OXTR: variants seen among roughly 807,000 people sequenced by gnomAD.
OXTR encodes oxytocin receptor.
In OXTR, 19 loss-of-function variants were observed where a neutral mutation model predicts 23.9. That is an observed-to-expected ratio of 0.80 (90% CI 0.56 to 1.17). The LOEUF (loss-of-function observed/expected upper bound fraction) is 1.17. OXTR is among the 50% of genes most tolerant of loss of function. The pLI is 0.00. For missense variants in OXTR, 500 were observed against 550.7 expected, an observed-to-expected ratio of 0.91 and a Z score of 0.92; for synonymous variants, 278 against 250.5, an observed-to-expected ratio of 1.11 and a Z score of -1.04.
At chr3:8,756,759 A>G (rs1359866168) in intron 3 of OXTR, among the ~76,000 whole-genome samples, 1 of 152,158 alleles carries the variant, frequency 6.6e-6, no homozygotes, top group African/African-American at 2.4e-5. Flanking sequence ...ACCACACCCA[A>G]TGACTGCTTA....
intron 3 of OXTR, among the ~76,000 whole-genome samples, chr3:8,760,919 G>A (rs1306282793): frequency 6.6e-6 from 1 of 152,146 alleles, no homozygotes; most frequent in African/African-American, 2.4e-5. Flanking sequence ...AGCAGAACAA[G>A]GGGTCTAAGC....
In OXTR at chr3:8,752,727, T is replaced by C. The variant is rs1271874061; in HGVS notation, c.*250A>G. ...CCAGGAGAAAAAACAAGCCACTCAC[T>C]GCCCAGGGCAGCAGTGGGTTCAGGG... On this transcript the variant is annotated 3_prime_UTR_variant, in exon 4 of 4. Transcript: ENST00000316793. The C allele has an allele frequency of 4.3e-6, 2 of 466,112 alleles. No individual in the cohort carries two copies. The highest frequency in any genetic ancestry group is 7.6e-6 in the Non-Finnish European group (2 of 264,228). 28.9% of individuals were successfully genotyped at this position (466,112 alleles called of 1,614,324 possible). A position where few individuals can be genotyped will look rare whatever the true frequency, so the allele number is the denominator to read the frequency against.
At position 8,753,170 on chromosome 3, in the gene OXTR, G is replaced by A; in HGVS notation, c.977C>T (p.Pro326Leu). ...LLASLNSCCN[P>L]WIYMLFTGHL... is the part of the protein sequence containing the mutation. ...GCCCGTGAACAGCATGTAGATCCAG[G>A]GGTTGCAGCAGCTGTTGAGGCTGGC... The change falls in exon 4 of 4, where the codon CCC (proline) becomes CTC (leucine). Residue 326 changes from proline to leucine, a missense_variant. Pro to Leu is a moderately conservative substitution (Grantham distance 98, BLOSUM62 -3). Transcript: ENST00000316793. The A allele has an allele frequency of 6.2e-7, 1 of 1,614,196 alleles. No homozygotes were observed. Among genetic ancestry groups the A allele is most frequent in the Non-Finnish European group, 8.5e-7 (1 of 1,180,042 alleles).
At chr3:8,743,191 G>A in the OXTR span, among the ~76,000 whole-genome samples, 1 of 152,120 alleles carries the variant, frequency 6.6e-6, no homozygotes, top group Non-Finnish European at 1.5e-5. Flanking sequence ...CTTCAACACT[G>A]GGGATCACAT....
chr3:8,747,688 G>T (rs1708194376), downstream of OXTR, among the ~76,000 whole-genome samples: 1 of 152,144 alleles, frequency 6.6e-6, no homozygotes, highest in South Asian at 2.1e-4. Flanking sequence ...CACATTGTCG[G>T]GGGGCTCAGC....
chr3:8,768,860 G>C lies in OXTR; in HGVS notation c.-238-269C>G, dbSNP rs768896079. On this transcript the variant is annotated intron_variant, in intron 1 of 3. Coordinates refer to ENST00000316793, the MANE Select transcript of OXTR (RefSeq NM_000916.4). The surrounding 1 kb of genome is among the most constrained non-coding windows in gnomAD (Gnocchi z 5.4). ...TCTAACCCCCTTTTCTAAGACGGTC[G>C]GCCGTCACTCCCTGAACTTCCACAG... Among the ~76,000 whole-genome samples the C allele has an allele frequency of 6.2e-4, 94 of 152,198 alleles. No individual in the cohort carries two copies. Among genetic ancestry groups the C allele is most frequent in the Admixed American group, 5.9e-4 (9 of 15,294 alleles).
rs141271494 is a variant in OXTR at position 8,755,687 on chromosome 3, T to C, written c.923-2463A>G. Among the ~76,000 whole-genome samples, 606 of 152,324 alleles carry C rather than the reference T, an allele frequency of 4.0e-3. 11 individuals carry two copies. The highest frequency in any genetic ancestry group is 0.014 in the African/African-American group (573 of 41,572). On this transcript the variant is annotated intron_variant, in intron 3 of 3. Transcript: ENST00000316793. ...TCCTCAGGGGATGAAGGGCCCTCTC[T>C]AAGCTGAACCTGCTCATGTCAAGTT... is the stretch of plus-strand genomic sequence containing the variant.
intron 3 of OXTR, among the ~76,000 whole-genome samples, chr3:8,757,135 T>C (rs1708390281): frequency 6.6e-6 from 1 of 151,910 alleles, no homozygotes; most frequent in Non-Finnish European, 1.5e-5. Context: ...TACATCTGAG[T>C]GAACTACTGC....
chr3:8,754,369 G>A (rs769383516), intron 3 of OXTR, among the ~76,000 whole-genome samples: 1 of 152,174 alleles, frequency 6.6e-6, no homozygotes, highest in African/African-American at 2.4e-5. Context: ...GACAAGGCCA[G>A]GCAACATCTC....
the OXTR span, among the ~76,000 whole-genome samples, chr3:8,743,340 T>A: frequency 1.3e-5 from 2 of 152,184 alleles, no homozygotes; most frequent in Non-Finnish European, 2.9e-5. Flanking sequence ...TCCATAAACA[T>A]GGGGAGTGAA....
intron 3 of OXTR, among the ~76,000 whole-genome samples, chr3:8,764,726 G>A (rs1412054174): frequency 2.0e-5 from 3 of 152,200 alleles, no homozygotes; most frequent in Non-Finnish European, 2.9e-5. Context: ...CAGAGTCCAC[G>A]TCATCACCTC....
chr3:8,745,764 G>A, downstream of OXTR: 1 of 1,614,088 alleles, frequency 6.2e-7, no homozygotes, highest in Non-Finnish European at 8.5e-7. The surrounding 1 kb of genome is among the most constrained non-coding windows in gnomAD (Gnocchi z 4.8). Context: ...CAGTGCATCA[G>A]CCACATCTAC....
At chr3:8,755,347 A>G (rs1271411914) in intron 3 of OXTR, among the ~76,000 whole-genome samples, 2 of 152,256 alleles carry the variant, frequency 1.3e-5, no homozygotes, top group African/African-American at 4.8e-5. Context: ...AAGCTTTGCA[A>G]TGAGGTAGGA....
intron 3 of OXTR, among the ~76,000 whole-genome samples, chr3:8,760,047 C>T (rs766848663): frequency 2.6e-5 from 4 of 152,248 alleles, no homozygotes; most frequent in Non-Finnish European, 4.4e-5. Context: ...TGCCACCATG[C>T]GCCAACTGGA....
chr3:8,742,529 C>T, the OXTR span: 1 of 455,800 alleles, frequency 2.2e-6, no homozygotes, highest in Non-Finnish European at 4.4e-6. Context: ...TCATTTATAA[C>T]TAAGTAGGCT....
chr3:8,767,256 C>T lies in OXTR; in HGVS notation c.922+10G>A. On this transcript the variant is annotated intron_variant, in intron 3 of 3. Coordinates refer to ENST00000316793, the MANE Select transcript of OXTR (RefSeq NM_000916.4). ...GGCTCCCTCCTCCTGGGTCTCCCAG[C>T]CCTGGCTACCTTCCTTGGGCGCGTT... 1.3e-6 allele frequency: 2 copies of T among 1,529,462 alleles called. No individual in the cohort carries two copies. Among genetic ancestry groups the T allele is most frequent in the Non-Finnish European group, 1.8e-6 (2 of 1,139,932 alleles). 94.7% of individuals were successfully genotyped at this position (1,529,462 alleles called of 1,614,324 possible). A position where few individuals can be genotyped will look rare whatever the true frequency, so the allele number is the denominator to read the frequency against.
chr3:8,763,494 A>G (rs983781007), intron 3 of OXTR, among the ~76,000 whole-genome samples: 2 of 151,834 alleles, frequency 1.3e-5, no homozygotes, highest in African/African-American at 4.8e-5. Context: ...AAACAGCCCC[A>G]CTCTACCAAA....
chr3:8,741,594 AT>A, the OXTR span, among the ~76,000 whole-genome samples: 1 of 152,158 alleles, frequency 6.6e-6, no homozygotes, highest in Non-Finnish European at 1.5e-5. Flanking sequence ...GGAAAGTACC[AT>A]GCCCCAAATC....
the OXTR span, among the ~76,000 whole-genome samples, chr3:8,742,798 G>A: frequency 6.6e-6 from 1 of 152,192 alleles, no homozygotes; most frequent in Admixed American, 6.5e-5. Flanking sequence ...CAGGCAGATA[G>A]GTGGATAGAT....
Sources: allele counts gnomAD v4.1 joint callset (sites outside exome capture counted in the v4.1 genomes callset), GRCh38; gene constraint gnomAD v4.1.1; non-coding constraint Gnocchi (gnomAD v3.1); transcripts MANE v1.5; gene names NCBI Gene and HGNC (gene_info 2026-07-23, HGNC 2026-07-21).